Variants in PACRG observed in about 807,000 individuals in gnomAD.
The protein encoded by PACRG is parkin coregulated.
In PACRG, 29 loss-of-function variants were observed where a neutral mutation model predicts 29.7. The ratio of observed to expected loss-of-function variants is 0.98; its 90% CI spans 0.73 to 1.33. The LOEUF (loss-of-function observed/expected upper bound fraction) is 1.33, where lower values mean the gene tolerates loss of function less well. Among genes scored for constraint, PACRG ranks in the 40% most tolerant of loss-of-function variants. The probability of loss-of-function intolerance (pLI) is 0.00; values close to 1 mark genes in which losing one functional copy is unlikely to be tolerated. For synonymous variants in PACRG, 116 were observed against 118.7 expected (o/e 0.98, Z 0.15); for missense variants, 279 against 316.2 (o/e 0.88, Z 0.89).
At chr6:162,966,861 G>A (rs4533967) in intron 2 of PACRG, among the ~76,000 whole-genome samples, 149,382 of 152,266 alleles carry the variant, frequency 0.98, 73,354 homozygotes, top group East Asian at 1. Context: ...AAACTGGTAA[G>A]CTAAATGACA....
intron 1 of PACRG, among the ~76,000 whole-genome samples, chr6:162,744,860 A>G (rs1269085614): frequency 6.6e-6 from 1 of 152,170 alleles, no homozygotes; most frequent in Non-Finnish European, 1.5e-5. Flanking sequence ...AACAATAATC[A>G]GAAAACAATG....
rs1792010334 is a variant in PACRG, at chr6:162,863,197, CTA to C, written c.291+48918_291+48919del. Among the ~76,000 whole-genome samples the C allele has an allele frequency of 2.0e-5, 3 of 152,206 alleles. No individual in the cohort carries two copies. The South Asian group carries it at 6.2e-4, about 32-fold the overall frequency. ...TGTCTAGTACCGTGCCTGATGTGGG[CTA>C]TGTGCTCTACTGGTATTTGTTGAGC... is the stretch of plus-strand genomic sequence containing the variant. On this transcript the variant is annotated intron_variant, in intron 2 of 4. Transcript: ENST00000366888.
intron 1 of PACRG, among the ~76,000 whole-genome samples, chr6:162,785,963 C>T (rs1784438961): frequency 6.6e-6 from 1 of 152,184 alleles, no homozygotes; most frequent in South Asian, 2.1e-4. Context: ...TGCATTAGGT[C>T]CTAAGCAAGG....
rs562001835 is a variant in PACRG at position 162,909,554 on chromosome 6, C to CAAAAAAAA, written c.291+95288_291+95295dup. ...TGGGTGACAGAGCGAGACTCCATCT[C>CAAAAAAAA]AAAAAAAAAAAAAAAAAAAAAATCA... On this transcript the variant is annotated intron_variant, in intron 2 of 4. Coordinates refer to ENST00000366888, the MANE Select transcript of PACRG (RefSeq NM_001080379.2). 8.6e-5 allele frequency among the ~76,000 whole-genome samples: 6 copies of CAAAAAAAA among 70,086 alleles called. 1 individual carries two copies. Among genetic ancestry groups the CAAAAAAAA allele is most frequent in the African/African-American group, 3.2e-4 (6 of 18,934 alleles). The allele number at this position is 70,086 out of a possible 152,430, so 46.0% of individuals were successfully genotyped here. A position where few individuals can be genotyped will look rare whatever the true frequency, so the allele number is the denominator to read the frequency against.
chr6:163,126,625 T>C (rs1412521295), intron 4 of PACRG, among the ~76,000 whole-genome samples: 9 of 152,122 alleles, frequency 5.9e-5, no homozygotes, highest in Admixed American at 1.3e-4. Flanking sequence ...AAGAAAGCAA[T>C]GGCGAAAGAA....
At chr6:163,068,922 A>T (rs1811794482) in intron 3 of PACRG, among the ~76,000 whole-genome samples, 1 of 151,578 alleles carries the variant, frequency 6.6e-6, no homozygotes, top group South Asian at 2.1e-4. Flanking sequence ...TTCCTGACTT[A>T]TTATTTTTTT....
chr6:162,830,610 G>T lies in PACRG; in HGVS notation c.291+16329G>T, dbSNP rs569281314. ...AACACTGGGATAAGAAAGACATTTT[G>T]TCTGTGGCTCTCGCTACCATCCAGT... On this transcript the variant is annotated intron_variant, in intron 2 of 4. Transcript: ENST00000366888. Among the ~76,000 whole-genome samples, 14 of 152,368 alleles carry T rather than the reference G, an allele frequency of 9.2e-5. No homozygotes were observed. The East Asian group carries it at 2.1e-3, about 23-fold the overall frequency.
chr6:163,085,412 G>A (rs1813465858), intron 3 of PACRG, among the ~76,000 whole-genome samples: 1 of 152,160 alleles, frequency 6.6e-6, no homozygotes, highest in Non-Finnish European at 1.5e-5. Flanking sequence ...TGGTTGATAA[G>A]GCAAGGTGGG....
intron 2 of PACRG, among the ~76,000 whole-genome samples, chr6:162,872,232 AGT>A (rs1366817347): frequency 0.095 from 52 of 550 alleles, no homozygotes; most frequent in Non-Finnish European, 0.15. Context: ...ATGAGAGCTC[AGT>A]GCTCAGTGTC....
Position 162,841,311 on chromosome 6 carries a change from G to C in PACRG, c.291+27030G>C, listed in dbSNP as rs1393013421. 4.1e-3 allele frequency among the ~76,000 whole-genome samples: 607 copies of C among 147,826 alleles called. 1 individual carries two copies. Among genetic ancestry groups the C allele is most frequent in the African/African-American group, 0.014 (575 of 39,970 alleles). The stretch of plus-strand genomic sequence containing the variant: ...CTATTCAGAGATTCAACTTCTTCCT[G>C]GTTTAGTCTTGGGAGAGTGTATGTG... On this transcript the variant is annotated intron_variant, in intron 2 of 4. Transcript: ENST00000366888.
At chr6:163,212,936 G>A (rs1055302997) in intron 4 of PACRG, among the ~76,000 whole-genome samples, 7 of 152,068 alleles carry the variant, frequency 4.6e-5, no homozygotes, top group Non-Finnish European at 7.4e-5. Flanking sequence ...CCACCACCAC[G>A]CCCAGCTAAT....
At chr6:163,165,053 G>T (rs1000080874) in intron 4 of PACRG, among the ~76,000 whole-genome samples, 1 of 152,020 alleles carries the variant, frequency 6.6e-6, no homozygotes, top group Non-Finnish European at 1.5e-5. Flanking sequence ...GTCTATGGGG[G>T]TTTAAAAAAA....
chr6:162,814,451 C>T, intron 2 of PACRG, 170 bp downstream of exon 2: 2 of 725,036 alleles, frequency 2.8e-6, no homozygotes, highest in Non-Finnish European at 4.2e-6. Flanking sequence ...TCCACCTTGA[C>T]TAACAATTAA....
chr6:163,096,321 G>A (rs879532337), intron 4 of PACRG, among the ~76,000 whole-genome samples: 10 of 151,926 alleles, frequency 6.6e-5, no homozygotes, highest in Non-Finnish European at 1.3e-4. Flanking sequence ...ACCTGGGCCT[G>A]TCCCGGCCCA....
chr6:162,958,704 G>A (rs1800259298), intron 2 of PACRG, among the ~76,000 whole-genome samples: 2 of 150,984 alleles, frequency 1.3e-5, no homozygotes, highest in South Asian at 4.2e-4. Context: ...CAGGTATGTG[G>A]AGGCAGACAA....
chr6:163,144,759 A>G (rs929901281), intron 4 of PACRG, among the ~76,000 whole-genome samples: 1 of 151,844 alleles, frequency 6.6e-6, no homozygotes, highest in African/African-American at 2.4e-5. Flanking sequence ...ACAGAGCGAG[A>G]CTCTCTCTCA....
intron 4 of PACRG, among the ~76,000 whole-genome samples, chr6:163,269,439 A>G (rs1195436566): frequency 6.6e-6 from 1 of 152,196 alleles, no homozygotes; most frequent in Non-Finnish European, 1.5e-5. Flanking sequence ...CCCCTACATC[A>G]TGCCACCTGT....
At chr6:162,841,685 G>A (rs1332686153) in intron 2 of PACRG, among the ~76,000 whole-genome samples, 1 of 146,506 alleles carries the variant, frequency 6.8e-6, no homozygotes, top group Non-Finnish European at 1.5e-5. Flanking sequence ...TAATTGTGAT[G>A]TTAGGGTGTC....
chr6:163,180,468 A>C (rs1779601304), intron 4 of PACRG, among the ~76,000 whole-genome samples: 1 of 152,146 alleles, frequency 6.6e-6, no homozygotes, highest in African/African-American at 2.4e-5. Context: ...ACTGCTAAAA[A>C]GTTTCAATGA....
Sources: gnomAD v4.1 joint callset for allele counts (sites outside exome capture counted in the v4.1 genomes callset) on GRCh38, gnomAD v4.1.1 for gene constraint, MANE v1.5 for transcripts, NCBI Gene and HGNC (gene_info 2026-07-23, HGNC 2026-07-21) for gene names.